Variants in NFAT5 observed in about 807,000 individuals in gnomAD.
NFAT5 encodes nuclear factor of activated T-cells 5.
NFAT5 carries 31 observed loss-of-function variants against 166.5 expected under a neutral mutation model. The ratio of observed to expected loss-of-function variants is 0.19; its 90% confidence interval spans 0.14 to 0.25. NFAT5 has a LOEUF of 0.25. Among genes scored for constraint, NFAT5 ranks in the 10% least tolerant of loss-of-function variants. The pLI, the probability that NFAT5 is intolerant of heterozygous loss-of-function variation, is 1.00. For missense variants in NFAT5, 1,449 were observed against 1,821.8 expected (o/e 0.80, Z 3.72); for synonymous variants, 612 against 639.7 (o/e 0.96, Z 0.65).
intron 6 of NFAT5, among the ~76,000 whole-genome samples, chr16:69,657,234 G>T (rs1277911040): frequency 6.6e-6 from 1 of 151,556 alleles, no homozygotes; most frequent in African/African-American, 2.4e-5. Flanking sequence ...GGGTTCAAGC[G>T]ATTCTCCTCC....
intron 2 of NFAT5, among the ~76,000 whole-genome samples, chr16:69,571,084 G>C (rs1410051909): frequency 7.3e-6 from 1 of 136,060 alleles, no homozygotes; most frequent in African/African-American, 2.8e-5. Context: ...TTGAGGTCAG[G>C]AGTTTGAGAC....
chr16:69,606,799 A>C (rs986559875), intron 2 of NFAT5, among the ~76,000 whole-genome samples: 4 of 152,164 alleles, frequency 2.6e-5, no homozygotes, highest in Non-Finnish European at 5.9e-5. Flanking sequence ...GGTTGCAGTG[A>C]GCTGAGATGG....
intron 2 of NFAT5, among the ~76,000 whole-genome samples, chr16:69,622,453 A>G (rs1031583928): frequency 1.3e-5 from 2 of 152,094 alleles, no homozygotes; most frequent in African/African-American, 4.8e-5. Flanking sequence ...CTTCCACTTG[A>G]CCTTGCATTT....
At chr16:69,636,792 G>A (rs1423148066) in intron 3 of NFAT5, among the ~76,000 whole-genome samples, 1 of 152,152 alleles carries the variant, frequency 6.6e-6, no homozygotes, top group Non-Finnish European at 1.5e-5. Context: ...GGGCCTCTGG[G>A]CCTATGATGG....
At chr16:69,639,834 A>G (rs2035126068) in intron 3 of NFAT5, among the ~76,000 whole-genome samples, 1 of 152,214 alleles carries the variant, frequency 6.6e-6, no homozygotes, top group South Asian at 2.1e-4. Context: ...ATTCTGGCTT[A>G]TGGATTAGAG....
intron 2 of NFAT5, among the ~76,000 whole-genome samples, chr16:69,608,928 T>G (rs1416131825): frequency 6.6e-6 from 1 of 151,916 alleles, no homozygotes; most frequent in Non-Finnish European, 1.5e-5. Flanking sequence ...GAGACCATCC[T>G]GGCTAACACG....
chr16:69,566,521 C>A lies in NFAT5; in HGVS notation c.73+147C>A, dbSNP rs1179352830. ...TTCTTTGGCCGGAGCGGGCAGAGGC[C>A]GAAGGGATCGGGGTGACGGTGGAGG... On this transcript the variant is annotated intron_variant, in intron 1 of 14. Transcript: ENST00000349945. This position sits in a 1 kb window ranked among gnomAD's most constrained non-coding sequence, Gnocchi z 5.7. The A allele has an allele frequency of 3.5e-5, 25 of 722,338 alleles. No individual in the cohort carries two copies. Among genetic ancestry groups the A allele is most frequent in the Non-Finnish European group, 6.0e-5 (25 of 418,724 alleles). The allele number at this position is 722,338 out of a possible 1,614,324, so 44.7% of individuals were successfully genotyped here.
intron 3 of NFAT5, among the ~76,000 whole-genome samples, chr16:69,645,864 C>T (rs894481983): frequency 3.9e-5 from 6 of 152,192 alleles, no homozygotes; most frequent in African/African-American, 7.2e-5. Flanking sequence ...GCGATCAACG[C>T]GCCTCTGAGT....
chr16:69,604,079 A>G (rs1470438966), intron 2 of NFAT5, among the ~76,000 whole-genome samples: 1 of 152,214 alleles, frequency 6.6e-6, no homozygotes, highest in Non-Finnish European at 1.5e-5. Context: ...TATAAAGTCT[A>G]GATAGTATCA....
At chr16:69,633,324 C>T (rs1228228753) in intron 3 of NFAT5, among the ~76,000 whole-genome samples, 1 of 151,490 alleles carries the variant, frequency 6.6e-6, no homozygotes, top group Non-Finnish European at 1.5e-5. Flanking sequence ...AAAATAGATA[C>T]AGTTACTGAT....
chr16:69,621,940 A>G (rs1486028025), intron 2 of NFAT5, among the ~76,000 whole-genome samples: 1 of 151,862 alleles, frequency 6.6e-6, no homozygotes, highest in East Asian at 1.9e-4. Context: ...TCCAACCTGG[A>G]TGACACAGTG....
chr16:69,634,690 AACTT>A (rs1262646180), intron 3 of NFAT5, among the ~76,000 whole-genome samples: 38 of 152,312 alleles, frequency 2.5e-4, no homozygotes, highest in African/African-American at 7.5e-4. Context: ...CTCTAGATCA[AACTT>A]ACTTACAAAC....
chr16:69,601,388 G>A (rs921865082), intron 2 of NFAT5, among the ~76,000 whole-genome samples: 1 of 152,158 alleles, frequency 6.6e-6, no homozygotes, highest in Admixed American at 6.5e-5. Flanking sequence ...TTATTTTTGA[G>A]ACAGAGTCTC....
At chr16:69,632,734 A>C (rs2034775573) in intron 3 of NFAT5, among the ~76,000 whole-genome samples, 1 of 152,156 alleles carries the variant, frequency 6.6e-6, no homozygotes, top group African/African-American at 2.4e-5. Flanking sequence ...CACCTAATGT[A>C]GTATACTCTT....
rs2151623042 is a variant in NFAT5 at position 69,647,901 on chromosome 16, G to A, written c.812+315G>A. Among the ~76,000 whole-genome samples, 1 of 152,134 alleles carries A rather than the reference G, an allele frequency of 6.6e-6. No homozygotes were observed. Among genetic ancestry groups the A allele is most frequent in the South Asian group, 2.1e-4 (1 of 4,814 alleles). ...AAGGACTTTTACTCAGCCAGGTGCG[G>A]TGGCTCACACCTGTAATCCCAGCAC... On this transcript the variant is annotated intron_variant, in intron 4 of 14. Transcript: ENST00000349945. This position sits in a 1 kb window ranked among gnomAD's most constrained non-coding sequence, Gnocchi z 4.8.
intron 2 of NFAT5, among the ~76,000 whole-genome samples, chr16:69,610,012 A>T (rs1157975438): frequency 6.7e-6 from 1 of 149,052 alleles, no homozygotes; most frequent in East Asian, 2.2e-4. Context: ...AGAGAGAGAG[A>T]GAGAGAGACA....
At chr16:69,642,939 C>T (rs2035277811) in intron 3 of NFAT5, among the ~76,000 whole-genome samples, 1 of 152,056 alleles carries the variant, frequency 6.6e-6, no homozygotes, top group South Asian at 2.1e-4. Context: ...TTCACATGGC[C>T]ATGCACCATG....
At chr16:69,597,086 A>G (rs1488492296) in intron 2 of NFAT5, among the ~76,000 whole-genome samples, 2 of 152,172 alleles carry the variant, frequency 1.3e-5, no homozygotes, top group East Asian at 3.9e-4. Context: ...AGAATGTTCC[A>G]GGCAGAGGGG....
At chr16:69,671,067 A>AT (rs2036602959) in intron 9 of NFAT5, among the ~76,000 whole-genome samples, 1 of 152,198 alleles carries the variant, frequency 6.6e-6, no homozygotes, top group South Asian at 2.1e-4. Flanking sequence ...AAAGTTTATA[A>AT]TTTCCTTGTT....
Sources: allele counts gnomAD v4.1 joint callset (sites outside exome capture counted in the v4.1 genomes callset), GRCh38; gene constraint gnomAD v4.1.1; non-coding constraint Gnocchi (gnomAD v3.1); transcripts MANE v1.5; gene names NCBI Gene and HGNC (gene_info 2026-07-23, HGNC 2026-07-21).